Variants in ADGRB3 observed in about 807,000 individuals in gnomAD.
ADGRB3 encodes the protein adhesion G protein-coupled receptor B3.
A neutral mutation model predicts 193.4 loss-of-function variants in ADGRB3; 37 were observed. The ratio of observed to expected loss-of-function variants is 0.19; its 90% CI spans 0.15 to 0.25. ADGRB3 has a LOEUF of 0.25. Among genes scored for constraint, ADGRB3 ranks in the 10% least tolerant of loss-of-function variants. The pLI is 1.00. For synonymous variants in ADGRB3, 690 were observed against 644.2 expected (o/e 1.07, Z -1.08); for missense variants, 1,637 against 1,852.9 (o/e 0.88, Z 2.14).
At chr6:68,696,696 C>A (rs1376995915) in intron 3 of ADGRB3, among the ~76,000 whole-genome samples, 1 of 151,782 alleles carries the variant, frequency 6.6e-6, no homozygotes, top group Non-Finnish European at 1.5e-5. Flanking sequence ...AACTTGGCTC[C>A]AAATAGTTAA....
intron 4 of ADGRB3, among the ~76,000 whole-genome samples, chr6:68,932,957 C>T (rs1767382304): frequency 6.9e-6 from 1 of 144,500 alleles, no homozygotes; most frequent in South Asian, 2.2e-4. Flanking sequence ...AGCAATCTTT[C>T]TACAGAGTGA....
At chr6:69,311,383 G>C (rs970760554) in intron 20 of ADGRB3, among the ~76,000 whole-genome samples, 1 of 151,758 alleles carries the variant, frequency 6.6e-6, no homozygotes, top group Non-Finnish European at 1.5e-5. Flanking sequence ...AGTTGGAAGG[G>C]AGTCTGTGGT....
At chr6:68,788,327 T>C (rs1767020498) in intron 3 of ADGRB3, among the ~76,000 whole-genome samples, 2 of 152,222 alleles carry the variant, frequency 1.3e-5, no homozygotes, top group Admixed American at 1.3e-4. Context: ...CAGCTTTGAA[T>C]GTGTCCCAGA....
intron 17 of ADGRB3, among the ~76,000 whole-genome samples, chr6:69,226,897 G>C (rs1766028423): frequency 6.6e-6 from 1 of 152,192 alleles, no homozygotes; most frequent in African/African-American, 2.4e-5. Context: ...ACACCATTAA[G>C]ACCTCTTGAG....
At chr6:69,071,873 T>C (rs558671236) in intron 16 of ADGRB3, among the ~76,000 whole-genome samples, 6 of 152,174 alleles carry the variant, frequency 3.9e-5, no homozygotes, top group Admixed American at 6.5e-5. Flanking sequence ...GTCATTACAT[T>C]TTGTTATATT....
At chr6:69,231,202 A>G (rs182413400) in intron 17 of ADGRB3, among the ~76,000 whole-genome samples, 1 of 152,350 alleles carries the variant, frequency 6.6e-6, no homozygotes, top group East Asian at 1.9e-4. Context: ...GCAACATGAT[A>G]TTGAATATAG....
chr6:69,038,760 A>C (rs1770946953), intron 13 of ADGRB3, among the ~76,000 whole-genome samples: 1 of 151,984 alleles, frequency 6.6e-6, no homozygotes, highest in African/African-American at 2.4e-5. Flanking sequence ...AATAAGTGAC[A>C]AAACTAAGAA....
At chr6:69,133,112 C>T (rs9351745) in intron 17 of ADGRB3, among the ~76,000 whole-genome samples, 97,112 of 151,962 alleles carry the variant, frequency 0.64, 32,255 homozygotes, top group East Asian at 0.95. Context: ...TATGCAGGCT[C>T]TTTTTTGGTT....
intron 20 of ADGRB3, among the ~76,000 whole-genome samples, chr6:69,245,895 A>C (rs1434695314): frequency 6.6e-6 from 1 of 152,190 alleles, no homozygotes; most frequent in East Asian, 1.9e-4. Flanking sequence ...TATAGTAAGT[A>C]AATAATAAGT....
intron 8 of ADGRB3, 61 bp downstream of exon 8, chr6:68,956,870 T>A (rs1768092079): frequency 1.3e-6 from 2 of 1,564,704 alleles, no homozygotes; most frequent in South Asian, 1.2e-5. Context: ...AAAAAAGATT[T>A]AAAAATATTG....
chr6:69,130,880 A>G (rs1202823642), intron 17 of ADGRB3, among the ~76,000 whole-genome samples: 3 of 152,086 alleles, frequency 2.0e-5, no homozygotes, highest in Non-Finnish European at 4.4e-5. Context: ...TCTTCCACCT[A>G]GCAAATCCTA....
intron 3 of ADGRB3, among the ~76,000 whole-genome samples, chr6:68,910,510 G>A (rs1244553459): frequency 6.6e-6 from 1 of 152,116 alleles, no homozygotes; most frequent in East Asian, 1.9e-4. Context: ...TATTGCCTAG[G>A]TTTTCTTCTA....
intron 8 of ADGRB3, among the ~76,000 whole-genome samples, chr6:68,962,808 C>T (rs1319609654): frequency 2.0e-5 from 3 of 152,148 alleles, no homozygotes; most frequent in Non-Finnish European, 4.4e-5. Flanking sequence ...CTCATCAACA[C>T]TTATTTTTCT....
intron 13 of ADGRB3, among the ~76,000 whole-genome samples, chr6:69,039,742 C>CT (rs34543678): frequency 0.37 from 48,122 of 130,186 alleles, 9,605 homozygotes; most frequent in African/African-American, 0.44. Flanking sequence ...TTGTTTTTTT[C>CT]TTTTTTTTTT....
At position 69,210,149 on chromosome 6, in the gene ADGRB3, C is replaced by CATATATATATATATATATGATATATAT. The variant is rs1765629292; in HGVS notation, c.2481-23123_2481-23122insGATATATATATATATATATATATATAT. ...ATATATATCATATATTAATATATAT[C>CATATATATATATATATATGATATATAT]ATATATATATATATATATATAAAGG... On this transcript the variant is annotated intron_variant, in intron 17 of 31. Transcript: ENST00000370598. 1.4e-4 allele frequency among the ~76,000 whole-genome samples: 11 copies of CATATATATATATATATATGATATATAT among 78,940 alleles called. 1 individual carries two copies. Among genetic ancestry groups the CATATATATATATATATATGATATATAT allele is most frequent in the African/African-American group, 5.7e-4 (9 of 15,848 alleles). The allele number at this position is 78,940 out of a possible 152,430, so 51.8% of individuals were successfully genotyped here.
chr6:68,847,520 T>C (rs1437348310), intron 3 of ADGRB3, among the ~76,000 whole-genome samples: 1 of 152,180 alleles, frequency 6.6e-6, no homozygotes, highest in Admixed American at 6.5e-5. Context: ...ATTCTCATGA[T>C]AGTGAATAAG....
chr6:69,231,500 T>C (rs1377015932), intron 17 of ADGRB3, among the ~76,000 whole-genome samples: 1 of 152,200 alleles, frequency 6.6e-6, no homozygotes, highest in Non-Finnish European at 1.5e-5. Flanking sequence ...CTTAAGTGTA[T>C]CTTTCTTCTT....
intron 17 of ADGRB3, among the ~76,000 whole-genome samples, chr6:69,173,010 G>A (rs1775324694): frequency 1.3e-5 from 2 of 150,270 alleles, no homozygotes; most frequent in Non-Finnish European, 3.0e-5. Flanking sequence ...GGAGAGTTGT[G>A]TGGGGTTTTG....
chr6:68,748,834 C>G (rs1766136060), intron 3 of ADGRB3, among the ~76,000 whole-genome samples: 1 of 152,340 alleles, frequency 6.6e-6, no homozygotes, highest in East Asian at 1.9e-4. Flanking sequence ...AAACTTTTCC[C>G]TGGGCATCCA....
Sources: gnomAD v4.1 joint callset for allele counts (sites outside exome capture counted in the v4.1 genomes callset) on GRCh38, gnomAD v4.1.1 for gene constraint, MANE v1.5 for transcripts, NCBI Gene and HGNC (gene_info 2026-07-23, HGNC 2026-07-21) for gene names.